Variants in ARB2A observed in about 807,000 individuals in gnomAD.
ARB2A encodes the protein cotranscriptional regulator ARB2A.
chr5:93,774,812 G>A, the ARB2A span, among the ~76,000 whole-genome samples: 2 of 152,118 alleles, frequency 1.3e-5, no homozygotes, highest in Non-Finnish European at 2.9e-5. Context: ...TAAATAAGGT[G>A]TCATTAAACA....
At chr5:93,748,832 C>T in the ARB2A span, among the ~76,000 whole-genome samples, 3 of 151,912 alleles carry the variant, frequency 2.0e-5, no homozygotes, top group African/African-American at 4.8e-5. Flanking sequence ...AATTAAAGTG[C>T]TTTATTTCTA....
the ARB2A span, among the ~76,000 whole-genome samples, chr5:93,894,578 T>C: frequency 6.6e-6 from 1 of 152,152 alleles, no homozygotes; most frequent in Non-Finnish European, 1.5e-5. Flanking sequence ...AAATCTATCC[T>C]TGATCTCAGC....
chr5:94,003,561 C>T, the ARB2A span, among the ~76,000 whole-genome samples: 2 of 151,814 alleles, frequency 1.3e-5, no homozygotes, highest in African/African-American at 4.8e-5. Context: ...ATTCTATTTC[C>T]ATATACTAGC....
chr5:93,906,154 T>C, the ARB2A span, among the ~76,000 whole-genome samples: 4 of 151,586 alleles, frequency 2.6e-5, no homozygotes, highest in Non-Finnish European at 5.9e-5. Flanking sequence ...AAGACAGATA[T>C]ATGTTTGTCA....
the ARB2A span, among the ~76,000 whole-genome samples, chr5:93,973,660 T>G: frequency 6.6e-6 from 1 of 152,104 alleles, no homozygotes. Flanking sequence ...AAGGCAGCCA[T>G]GGAAAAGAAT....
the ARB2A span, among the ~76,000 whole-genome samples, chr5:94,059,905 C>A: frequency 5.3e-5 from 8 of 151,958 alleles, no homozygotes; most frequent in African/African-American, 1.9e-4. Context: ...TGGGTTGAGG[C>A]AAATGATACT....
the ARB2A span, chr5:94,050,951 T>A: frequency 1.4e-6 from 1 of 697,004 alleles, no homozygotes; most frequent in Non-Finnish European, 2.2e-6. Context: ...GTTTATCTTT[T>A]TCATTAGATT....
chr5:94,105,578 T>C, the ARB2A span, among the ~76,000 whole-genome samples: 1 of 152,106 alleles, frequency 6.6e-6, no homozygotes, highest in Admixed American at 6.6e-5. Context: ...ACAGATTCAA[T>C]GCTACTCCTA....
chr5:94,041,615 C>T, the ARB2A span, among the ~76,000 whole-genome samples: 1 of 151,978 alleles, frequency 6.6e-6, no homozygotes, highest in African/African-American at 2.4e-5. Flanking sequence ...TCATCTTTGG[C>T]AAATAAAGAC....
At chr5:93,763,373 C>T in the ARB2A span, among the ~76,000 whole-genome samples, 1 of 151,526 alleles carries the variant, frequency 6.6e-6, no homozygotes, top group African/African-American at 2.4e-5. Flanking sequence ...AAATGGAAAA[C>T]AAAAAAAGGC....
chr5:94,053,099 A>C, the ARB2A span: 3 of 1,262,790 alleles, frequency 2.4e-6, no homozygotes, highest in Non-Finnish European at 3.4e-6. Flanking sequence ...ATAGATAGAT[A>C]GATAGATAGA....
chr5:93,660,833 G>C, the ARB2A span, among the ~76,000 whole-genome samples: 2 of 152,114 alleles, frequency 1.3e-5, no homozygotes, highest in African/African-American at 2.4e-5. Flanking sequence ...ACAGATAAGA[G>C]AGAAAGAACA....
the ARB2A span, among the ~76,000 whole-genome samples, chr5:93,946,717 A>C: frequency 6.6e-6 from 1 of 152,218 alleles, no homozygotes; most frequent in African/African-American, 2.4e-5. Context: ...GGATTAGGAA[A>C]AGATAACACT....
At chr5:93,932,826 G>C in the ARB2A span, among the ~76,000 whole-genome samples, 22 of 152,148 alleles carry the variant, frequency 1.4e-4, no homozygotes, top group African/African-American at 5.3e-4. Context: ...TGGTTTTAAG[G>C]GTTTTATCCT....
chr5:94,022,541 T>A, the ARB2A span, among the ~76,000 whole-genome samples: 2 of 152,206 alleles, frequency 1.3e-5, no homozygotes, highest in Admixed American at 1.3e-4. Context: ...TGGACTGGGC[T>A]TTGCATACCT....
At chr5:93,741,080 T>C in the ARB2A span, 2 of 1,613,808 alleles carry the variant, frequency 1.2e-6, no homozygotes, top group African/African-American at 1.3e-5. Context: ...CAGATGGTCG[T>C]CTGGCTAAGC....
the ARB2A span, among the ~76,000 whole-genome samples, chr5:93,957,512 G>A: frequency 6.6e-6 from 1 of 151,956 alleles, no homozygotes; most frequent in Non-Finnish European, 1.5e-5. Flanking sequence ...TATTTTATGT[G>A]AGTTAATTTA....
At chr5:93,880,672 C>G in the ARB2A span, among the ~76,000 whole-genome samples, 4 of 151,592 alleles carry the variant, frequency 2.6e-5, no homozygotes, top group Non-Finnish European at 4.4e-5. Context: ...TGACAAATGT[C>G]TCATATATAT....
At chr5:93,740,769 G>A in the ARB2A span, 1 of 1,612,206 alleles carries the variant, frequency 6.2e-7, no homozygotes, top group Non-Finnish European at 8.5e-7. Flanking sequence ...TTGGTCGACT[G>A]CCCATCTTGC....
Sources: gnomAD v4.1 joint callset for allele counts (sites outside exome capture counted in the v4.1 genomes callset) on GRCh38, gnomAD v4.1.1 for gene constraint, MANE v1.5 for transcripts, NCBI Gene and HGNC (gene_info 2026-07-23, HGNC 2026-07-21) for gene names.